Variants in EBF2 observed in about 807,000 individuals in gnomAD.
EBF2 encodes EBF transcription factor 2.
EBF2 carries 21 observed loss-of-function variants against 72.8 expected under a neutral mutation model. The observed-to-expected ratio is 0.29, with a 90% CI of 0.20 to 0.42. The LOEUF (loss-of-function observed/expected upper bound fraction) is 0.42. Ranked by LOEUF, EBF2 falls within the 10% of genes least tolerant of loss-of-function variation. The probability of loss-of-function intolerance (pLI) is 1.00; values close to 1 mark genes in which losing one functional copy is unlikely to be tolerated. For missense variants in EBF2, 637 were observed against 731.2 expected (o/e 0.87, Z 1.49); for synonymous variants, 299 against 274.2 (o/e 1.09, Z -0.89).
At chr8:25,923,908 T>C (rs1470738181) in intron 6 of EBF2, among the ~76,000 whole-genome samples, 1 of 146,360 alleles carries the variant, frequency 6.8e-6, no homozygotes, top group African/African-American at 2.4e-5. Context: ...TTAGCTCTTT[T>C]AACCTGGGCT....
At chr8:25,949,037 T>A (rs1259186465) in intron 6 of EBF2, among the ~76,000 whole-genome samples, 1 of 152,230 alleles carries the variant, frequency 6.6e-6, no homozygotes, top group Non-Finnish European at 1.5e-5. Flanking sequence ...GTCATCATCA[T>A]CACCACCATC....
intron 15 of EBF2, among the ~76,000 whole-genome samples, chr8:25,846,244 T>A (rs1265202604): frequency 6.6e-6 from 1 of 152,166 alleles, no homozygotes; most frequent in Admixed American, 6.5e-5. Flanking sequence ...TTTTATTTTT[T>A]TTTTCCTGGA....
At chr8:25,933,367 C>T (rs1803515590) in intron 6 of EBF2, among the ~76,000 whole-genome samples, 1 of 152,150 alleles carries the variant, frequency 6.6e-6, no homozygotes, top group Non-Finnish European at 1.5e-5. Context: ...GACATGCTGC[C>T]ACGAATCTAC....
chr8:25,930,214 G>A (rs1017657987), intron 6 of EBF2, among the ~76,000 whole-genome samples: 2 of 152,102 alleles, frequency 1.3e-5, no homozygotes, highest in African/African-American at 2.4e-5. Context: ...TTGGGACTTA[G>A]CTATCTCCTT....
At chr8:25,934,227 A>G (rs1461497192) in intron 6 of EBF2, among the ~76,000 whole-genome samples, 4 of 1,364 alleles carry the variant, frequency 2.9e-3, no homozygotes, top group African/African-American at 0.015. Flanking sequence ...ATGTGCATAC[A>G]CACACACACA....
chr8:25,972,264 A>T lies in EBF2; in HGVS notation c.551+60821T>A, dbSNP rs953641553. ...CTTCGTAGACCCCGAGGGAGCCAAC[A>T]ATTACAATCTTGGTCCACCCATGAC... is the stretch of plus-strand genomic sequence containing the variant. On this transcript the variant is annotated intron_variant, in intron 6 of 15. Transcript: ENST00000520164. Among the ~76,000 whole-genome samples, 3 of 152,092 alleles carry T rather than the reference A, an allele frequency of 2.0e-5. No homozygotes were observed. In the South Asian group the frequency reaches 6.2e-4, roughly 32 times the overall value.
intron 6 of EBF2, among the ~76,000 whole-genome samples, chr8:25,988,014 C>T (rs978242479): frequency 1.4e-4 from 21 of 152,168 alleles, no homozygotes; most frequent in Non-Finnish European, 2.1e-4. Flanking sequence ...CCAAGGACAG[C>T]TTAGTGGTGT....
At chr8:25,927,999 T>C (rs1353765064) in intron 6 of EBF2, among the ~76,000 whole-genome samples, 4 of 152,212 alleles carry the variant, frequency 2.6e-5, no homozygotes, top group African/African-American at 9.6e-5. Flanking sequence ...ATATATATTA[T>C]AAAAAAGTCC....
intron 14 of EBF2, 95 bp downstream of exon 14, chr8:25,858,224 G>A (rs1278858920): frequency 6.8e-7 from 1 of 1,469,802 alleles, no homozygotes; most frequent in Non-Finnish European, 9.5e-7. Flanking sequence ...GACAACTTAG[G>A]AAGATTTACA....
At chr8:25,977,256 G>A (rs1280417918) in intron 6 of EBF2, among the ~76,000 whole-genome samples, 1 of 152,082 alleles carries the variant, frequency 6.6e-6, no homozygotes, top group Non-Finnish European at 1.5e-5. Flanking sequence ...CGTGCACATC[G>A]CATGCTCCCA....
chr8:26,005,492 A>ATTAT (rs1804853720), intron 6 of EBF2, among the ~76,000 whole-genome samples: 1 of 90,836 alleles, frequency 1.1e-5, no homozygotes, highest in African/African-American at 4.5e-5. Context: ...TAAAATATAT[A>ATTAT]TTATAAAATA....
Position 26,044,636 on chromosome 8 carries a change from G to C in EBF2, c.131+93C>G. 6.6e-7 allele frequency: 1 copy of C among 1,521,370 alleles called. No individual in the cohort carries two copies. Among genetic ancestry groups the C allele is most frequent in the South Asian group, 1.2e-5 (1 of 80,746 alleles). The allele number at this position is 1,521,370 out of a possible 1,614,324, so 94.2% of individuals were successfully genotyped here. Reference sequence around the variant, plus strand: ...GGCGACAGATGGGGGGACAGGGAGAGAGAAAGGCACGGGGTGCGCGGGGGG... The same window carrying C: ...GGCGACAGATGGGGGGACAGGGAGACAGAAAGGCACGGGGTGCGCGGGGGG... On this transcript the variant is annotated intron_variant, in intron 1 of 15. Coordinates refer to ENST00000520164, the MANE Select transcript of EBF2 (RefSeq NM_022659.4). The surrounding 1 kb of genome is among the most constrained non-coding windows in gnomAD (Gnocchi z 4.1).
At chr8:25,862,496 T>C (rs938651051) in intron 11 of EBF2, among the ~76,000 whole-genome samples, 1 of 152,178 alleles carries the variant, frequency 6.6e-6, no homozygotes, top group Non-Finnish European at 1.5e-5. Context: ...CGTGTATCTG[T>C]TTAATCAGCT....
Position 25,842,139 on chromosome 8 carries a change from A to G in EBF2, c.*2470T>C. 6.6e-6 allele frequency: 1 copy of G among 152,226 alleles called. No homozygotes were observed. The highest frequency in any genetic ancestry group is 1.9e-4 in the East Asian group (1 of 5,200). The allele number at this position is 152,226 out of a possible 1,614,324, so 9.4% of individuals were successfully genotyped here. On this transcript the variant is annotated 3_prime_UTR_variant, in exon 16 of 16. Coordinates refer to ENST00000520164, the MANE Select transcript of EBF2 (RefSeq NM_022659.4). ...CAGGATAGAGTTTGTAGTTACCAAT[A>G]GAAATACTCATATTCCAAGTGGCAC...
chr8:25,869,050 A>T (rs763033039), intron 10 of EBF2, among the ~76,000 whole-genome samples: 3 of 152,120 alleles, frequency 2.0e-5, no homozygotes, highest in Non-Finnish European at 4.4e-5. Flanking sequence ...AATTTTTTAG[A>T]CACTCTATAT....
chr8:25,849,605 TGCCAGTGA>T (rs1801917817), intron 15 of EBF2, among the ~76,000 whole-genome samples: 1 of 151,296 alleles, frequency 6.6e-6, no homozygotes, highest in African/African-American at 2.5e-5. Flanking sequence ...TAATGTGGGT[TGCCAGTGA>T]GCCCCAGTCC....
At chr8:25,976,580 T>C (rs906803952) in intron 6 of EBF2, among the ~76,000 whole-genome samples, 1 of 152,222 alleles carries the variant, frequency 6.6e-6, no homozygotes, top group African/African-American at 2.4e-5. Flanking sequence ...TGATATAGTT[T>C]CCAGAGTTTG....
intron 6 of EBF2, among the ~76,000 whole-genome samples, chr8:25,984,240 T>C (rs1398924539): frequency 6.6e-6 from 1 of 152,126 alleles, no homozygotes; most frequent in African/African-American, 2.4e-5. Context: ...AACCACTGTT[T>C]TACTGAAACA....
intron 11 of EBF2, 27 bp downstream of exon 11, chr8:25,862,682 C>A: frequency 6.5e-7 from 1 of 1,542,196 alleles, no homozygotes; most frequent in Non-Finnish European, 8.8e-7. Context: ...CAAATGGCTT[C>A]ACATGTCAAT....
Sources: allele counts gnomAD v4.1 joint callset (sites outside exome capture counted in the v4.1 genomes callset), GRCh38; gene constraint gnomAD v4.1.1; non-coding constraint Gnocchi (gnomAD v3.1); transcripts MANE v1.5; gene names NCBI Gene and HGNC (gene_info 2026-07-23, HGNC 2026-07-21).